The following PCDH9 variants were observed in gnomAD, a reference collection of about 807,000 sequenced individuals.
PCDH9 encodes protocadherin 9, also known as protocadherin-9.
A neutral mutation model predicts 70.6 loss-of-function variants in PCDH9; 24 were observed. That is an observed-to-expected ratio of 0.34 (90% CI 0.25 to 0.48). The LOEUF is 0.48. Ranked by LOEUF, PCDH9 falls within the 20% of genes least tolerant of loss-of-function variation. The pLI is 0.99. For synonymous variants in PCDH9, 562 were observed against 558.5 expected, an observed-to-expected ratio of 1.01 and a Z score of -0.09; for missense variants, 1,281 against 1,503.6, an observed-to-expected ratio of 0.85 and a Z score of 2.45.
At chr13:66,610,193 A>G (rs930938038) in intron 4 of PCDH9, among the ~76,000 whole-genome samples, 2 of 152,118 alleles carry the variant, frequency 1.3e-5, no homozygotes, top group Admixed American at 6.5e-5. Flanking sequence ...CCACACGCTA[A>G]GATATTTATA....
At chr13:66,474,644 T>C (rs1024113423) in intron 4 of PCDH9, among the ~76,000 whole-genome samples, 1 of 152,110 alleles carries the variant, frequency 6.6e-6, no homozygotes, top group Non-Finnish European at 1.5e-5. Context: ...TTTTAAAACA[T>C]ACAGACACAG....
chr13:67,126,521 C>T (rs1232596692), intron 2 of PCDH9, among the ~76,000 whole-genome samples: 1 of 151,964 alleles, frequency 6.6e-6, no homozygotes, highest in Non-Finnish European at 1.5e-5. Context: ...GCAAGTTTGG[C>T]CAAGAAGAGA....
chr13:66,601,776 C>G (rs1338219661), intron 4 of PCDH9, among the ~76,000 whole-genome samples: 1 of 145,496 alleles, frequency 6.9e-6, no homozygotes, highest in African/African-American at 2.5e-5. Context: ...TGAGAAAATC[C>G]TATTGCTGCC....
chr13:66,915,337 T>C (rs908006477), intron 2 of PCDH9, among the ~76,000 whole-genome samples: 6 of 151,636 alleles, frequency 4.0e-5, no homozygotes, highest in East Asian at 1.9e-4. Flanking sequence ...AGCTCTTTTA[T>C]AGAAGTTTTT....
chr13:66,698,352 C>A (rs2078591534), intron 3 of PCDH9, among the ~76,000 whole-genome samples: 1 of 152,148 alleles, frequency 6.6e-6, no homozygotes, highest in South Asian at 2.1e-4. Flanking sequence ...GGTGGAAGGG[C>A]AAAATCACAC....
intron 2 of PCDH9, among the ~76,000 whole-genome samples, chr13:67,068,253 A>G (rs1435589750): frequency 6.6e-6 from 1 of 151,488 alleles, no homozygotes; most frequent in Non-Finnish European, 1.5e-5. Flanking sequence ...AAGTTTATTT[A>G]TTTAATAAAT....
At chr13:66,649,756 C>T (rs1170432940) in intron 3 of PCDH9, among the ~76,000 whole-genome samples, 1 of 151,876 alleles carries the variant, frequency 6.6e-6, no homozygotes, top group Non-Finnish European at 1.5e-5. Flanking sequence ...ACTACAGTCA[C>T]ATTTCAAGAC....
chr13:66,732,813 C>G (rs1454526003), intron 3 of PCDH9, among the ~76,000 whole-genome samples: 1 of 151,936 alleles, frequency 6.6e-6, no homozygotes, highest in Non-Finnish European at 1.5e-5. Context: ...TGTCTCACAA[C>G]TTCAAAATAT....
chr13:67,147,592 C>G (rs9541016), intron 2 of PCDH9, among the ~76,000 whole-genome samples: 34,208 of 152,092 alleles, frequency 0.22, 4,723 homozygotes, highest in Non-Finnish European at 0.3. Flanking sequence ...AAAAGGTGCC[C>G]TATCCAGTTA....
chr13:66,975,817 T>C (rs2083608653), intron 2 of PCDH9, among the ~76,000 whole-genome samples: 1 of 151,996 alleles, frequency 6.6e-6, no homozygotes, highest in Admixed American at 6.6e-5. Context: ...CCATAAAATA[T>C]GGTAAGAGGC....
At chr13:66,576,215 T>C (rs2076812978) in intron 4 of PCDH9, among the ~76,000 whole-genome samples, 1 of 152,078 alleles carries the variant, frequency 6.6e-6, no homozygotes, top group Non-Finnish European at 1.5e-5. Flanking sequence ...GATAGTTTTA[T>C]TCTTTTAAAA....
intron 2 of PCDH9, among the ~76,000 whole-genome samples, chr13:67,095,856 T>G (rs9529183): frequency 0.096 from 14,610 of 152,162 alleles, 776 homozygotes; most frequent in Non-Finnish European, 0.12. Context: ...ATAACTACAG[T>G]TAGGATTTTG....
At chr13:66,842,935 G>T (rs2081140908) in intron 3 of PCDH9, among the ~76,000 whole-genome samples, 2 of 152,182 alleles carry the variant, frequency 1.3e-5, no homozygotes, top group South Asian at 4.1e-4. Context: ...AGCCTCTATG[G>T]AAACCACGAA....
At chr13:66,312,626 A>G (rs1955582606) in intron 4 of PCDH9, among the ~76,000 whole-genome samples, 1 of 147,458 alleles carries the variant, frequency 6.8e-6, no homozygotes, top group South Asian at 2.2e-4. Context: ...AAAAAAAAAA[A>G]TTACTCTAGT....
At chr13:66,660,197 G>C (rs1053671978) in intron 3 of PCDH9, among the ~76,000 whole-genome samples, 5 of 152,100 alleles carry the variant, frequency 3.3e-5, no homozygotes, top group African/African-American at 1.2e-4. Context: ...GGAAATGTGA[G>C]GCCATTTATT....
chr13:66,723,372 AT>A (rs1399577490), intron 3 of PCDH9, among the ~76,000 whole-genome samples: 1 of 152,200 alleles, frequency 6.6e-6, no homozygotes, highest in African/African-American at 2.4e-5. Context: ...ATTGTTTGTA[AT>A]TTAAATTTTC....
At chr13:66,951,248 A>G (rs1206311918) in intron 2 of PCDH9, among the ~76,000 whole-genome samples, 2 of 152,144 alleles carry the variant, frequency 1.3e-5, no homozygotes, top group Non-Finnish European at 2.9e-5. Flanking sequence ...TAATGTAAAT[A>G]GTGATATAAA....
chr13:66,675,108 C>T (rs905038198), intron 3 of PCDH9, among the ~76,000 whole-genome samples: 3 of 151,956 alleles, frequency 2.0e-5, no homozygotes, highest in African/African-American at 4.8e-5. Flanking sequence ...AATTTTGATG[C>T]CTCAGATTCC....
intron 4 of PCDH9, among the ~76,000 whole-genome samples, chr13:66,358,438 A>C (rs555325473): frequency 6.6e-6 from 1 of 152,110 alleles, no homozygotes; most frequent in African/African-American, 2.4e-5. Flanking sequence ...ATGCAAAGGA[A>C]CTTTTAAAGC....
Sources: gnomAD v4.1 joint callset for allele counts (sites outside exome capture counted in the v4.1 genomes callset) on GRCh38, gnomAD v4.1.1 for gene constraint, MANE v1.5 for transcripts, NCBI Gene and HGNC (gene_info 2026-07-23, HGNC 2026-07-21) for gene names.